IQCB1: variants seen among roughly 807,000 people sequenced by gnomAD.
IQCB1 encodes IQ calmodulin-binding motif-containing protein 1.
Under a neutral mutation model 84.4 loss-of-function variants are expected in IQCB1, and 56 were observed. The observed-to-expected ratio is 0.66, with a 90% CI of 0.54 to 0.83. IQCB1 has a LOEUF of 0.83. IQCB1 is among the 40% of genes least tolerant of loss of function. IQCB1 has a pLI of 0.00. For synonymous variants in IQCB1, 210 were observed against 234.8 expected, an observed-to-expected ratio of 0.89 and a Z score of 0.96; for missense variants, 629 against 682.1, an observed-to-expected ratio of 0.92 and a Z score of 0.87.
At chr3:121,775,703 AT>A (rs1489086464) in intron 13 of IQCB1, among the ~76,000 whole-genome samples, 20 of 151,920 alleles carry the variant, frequency 1.3e-4, no homozygotes, top group South Asian at 4.2e-4. Flanking sequence ...GGACCCCTAA[AT>A]TTTTTTTTAA....
intron 2 of IQCB1, chr3:121,833,899 C>T (rs1170303951): frequency 6.6e-6 from 1 of 151,976 alleles, no homozygotes; most frequent in Non-Finnish European, 1.5e-5. Flanking sequence ...TTATCATGCT[C>T]CAGGAATTGT....
chr3:121,796,181 G>C (rs1949188778), intron 9 of IQCB1, among the ~76,000 whole-genome samples: 1 of 151,982 alleles, frequency 6.6e-6, no homozygotes, highest in Admixed American at 6.6e-5. Flanking sequence ...GCATAGTTTT[G>C]AGATTAATCT....
intron 4 of IQCB1, 110 bp downstream of exon 4, chr3:121,828,360 C>T: frequency 2.2e-6 from 2 of 897,560 alleles, no homozygotes; most frequent in Non-Finnish European, 3.7e-6. Context: ...CCAAAACCTA[C>T]AACAGGAGGT....
chr3:121,811,170 G>C (rs556856962), intron 5 of IQCB1, among the ~76,000 whole-genome samples: 10 of 152,216 alleles, frequency 6.6e-5, no homozygotes, highest in African/African-American at 2.4e-4. Context: ...GCCTCACCTG[G>C]GAAGTGCAAG....
intron 8 of IQCB1, among the ~76,000 whole-genome samples, chr3:121,797,981 A>G (rs1949267230): frequency 6.6e-6 from 1 of 151,994 alleles, no homozygotes; most frequent in African/African-American, 2.4e-5. Context: ...CCAAGTTCTC[A>G]GCAGTATTAA....
At chr3:121,781,111 G>T (rs911719691) in intron 13 of IQCB1, among the ~76,000 whole-genome samples, 2 of 152,214 alleles carry the variant, frequency 1.3e-5, no homozygotes, top group Non-Finnish European at 2.9e-5. Context: ...AAAGGTGCAG[G>T]TGATTAAAAT....
At chr3:121,814,076 A>T (rs1056522691) in intron 5 of IQCB1, among the ~76,000 whole-genome samples, 25 of 152,136 alleles carry the variant, frequency 1.6e-4, no homozygotes, top group Non-Finnish European at 2.6e-4. Flanking sequence ...AAACAGTCTC[A>T]GTCCACGGTG....
intron 14 of IQCB1, 35 bp from the exon 15 acceptor site, chr3:121,770,609 G>C: frequency 6.5e-7 from 1 of 1,526,748 alleles, no homozygotes; most frequent in Non-Finnish European, 9.0e-7. Flanking sequence ...ATGAGCAGAA[G>C]AGTCCTATGC....
At chr3:121,810,868 G>T (rs1439060610) in intron 5 of IQCB1, among the ~76,000 whole-genome samples, 1 of 152,138 alleles carries the variant, frequency 6.6e-6, no homozygotes, top group Admixed American at 6.5e-5. Flanking sequence ...ACTAAATCTA[G>T]CAAATATTTA....
At chr3:121,815,000 G>A (rs35354585) in intron 5 of IQCB1, among the ~76,000 whole-genome samples, 15,658 of 152,064 alleles carry the variant, frequency 0.1, 855 homozygotes, top group South Asian at 0.15. Context: ...ACATCAATGC[G>A]AAAATCCTCA....
rs11288085 is a variant in IQCB1, at chr3:121,797,488, TAA to T, written c.767-263_767-262del. 2.6e-3 allele frequency among the ~76,000 whole-genome samples: 347 copies of T among 133,624 alleles called. 2 individuals are homozygous for T. Among genetic ancestry groups the T allele is most frequent in the Admixed American group, 4.3e-3 (58 of 13,538 alleles). The allele number at this position is 133,624 out of a possible 152,430, so 87.7% of individuals were successfully genotyped here. A position where few individuals can be genotyped will look rare whatever the true frequency, so the allele number is the denominator to read the frequency against. On this transcript the variant is annotated intron_variant, in intron 8 of 14. Transcript: ENST00000310864. Reference sequence around the variant, plus strand: ...AAATCTGTCTAGACAATCTCTTTAATAAAAAAAAAAAAAAAGGAGTGGGATGG... The same window carrying T: ...AAATCTGTCTAGACAATCTCTTTAATAAAAAAAAAAAAAGGAGTGGGATGG...
At chr3:121,821,521 G>A (rs558103119) in intron 5 of IQCB1, among the ~76,000 whole-genome samples, 5 of 152,212 alleles carry the variant, frequency 3.3e-5, no homozygotes, top group African/African-American at 9.6e-5. Flanking sequence ...TTACTTTCCT[G>A]TTAGTTGTGG....
chr3:121,776,333 A>C (rs1329926428), intron 13 of IQCB1, among the ~76,000 whole-genome samples: 1 of 152,194 alleles, frequency 6.6e-6, no homozygotes. Flanking sequence ...AAGTGTCTAT[A>C]TGGACATATA....
chr3:121,827,251 C>G (rs1353701123), intron 4 of IQCB1, among the ~76,000 whole-genome samples: 1 of 151,944 alleles, frequency 6.6e-6, no homozygotes, highest in Non-Finnish European at 1.5e-5. Flanking sequence ...ACATGTACCC[C>G]TGAACCTAAA....
At chr3:121,775,618 A>G (rs1948195132) in intron 13 of IQCB1, among the ~76,000 whole-genome samples, 1 of 152,216 alleles carries the variant, frequency 6.6e-6, no homozygotes, top group Non-Finnish European at 1.5e-5. Context: ...AACTTAAAGT[A>G]TAATAATAAT....
intron 10 of IQCB1, among the ~76,000 whole-genome samples, chr3:121,793,189 A>G (rs1200373256): frequency 6.6e-6 from 1 of 152,224 alleles, no homozygotes; most frequent in Non-Finnish European, 1.5e-5. Context: ...AGAGGTAGGT[A>G]AATTGTGAGG....
Position 121,790,067 on chromosome 3 carries a change from A to T in IQCB1, c.1129+6T>A. ...TTATATTGATAAAGTTGATACTGCC[A>T]CTCACCTGGATGAACTATTTCGAGC... On this transcript the variant is annotated splice_donor_region_variant and intron_variant, in intron 11 of 14. Transcript: ENST00000310864. 1.2e-6 allele frequency: 2 copies of T among 1,611,164 alleles called. No homozygotes were observed. Among genetic ancestry groups the T allele is most frequent in the South Asian group, 2.2e-5 (2 of 91,012 alleles).
chr3:121,791,912 G>A (rs770934587), intron 10 of IQCB1, among the ~76,000 whole-genome samples: 5 of 152,074 alleles, frequency 3.3e-5, no homozygotes, highest in Non-Finnish European at 2.9e-5. Context: ...CCAACATAGC[G>A]AAACCCCATT....
chr3:121,800,098 T>C (rs1576576855), intron 7 of IQCB1, among the ~76,000 whole-genome samples: 1 of 151,934 alleles, frequency 6.6e-6, no homozygotes, highest in African/African-American at 2.4e-5. Context: ...AACAGACTCT[T>C]ATTCAAAGCA....
Sources: gnomAD v4.1 joint callset for allele counts (sites outside exome capture counted in the v4.1 genomes callset) on GRCh38, gnomAD v4.1.1 for gene constraint, MANE v1.5 for transcripts, NCBI Gene and HGNC (gene_info 2026-07-23, HGNC 2026-07-21) for gene names.